The following KCNIP4 variants were observed in gnomAD, a reference collection of about 807,000 sequenced individuals.
The protein encoded by KCNIP4 is potassium voltage-gated channel interacting protein 4.
KCNIP4 carries 12 observed loss-of-function variants against 34.0 expected under a neutral mutation model. The ratio of observed to expected loss-of-function variants is 0.35; its 90% CI spans 0.23 to 0.57. The LOEUF (loss-of-function observed/expected upper bound fraction) is 0.57, where lower values mean the gene tolerates loss of function less well. Among genes scored for constraint, KCNIP4 ranks in the 20% least tolerant of loss-of-function variants. The probability of loss-of-function intolerance (pLI) is 0.83; values close to 1 mark genes in which losing one functional copy is unlikely to be tolerated. For synonymous variants in KCNIP4, 124 were observed against 102.2 expected, an observed-to-expected ratio of 1.21 and a Z score of -1.29; for missense variants, 238 against 311.7, an observed-to-expected ratio of 0.76 and a Z score of 1.78.
chr4:21,545,621 G>A (rs1047287181), intron 1 of KCNIP4, among the ~76,000 whole-genome samples: 2 of 152,164 alleles, frequency 1.3e-5, no homozygotes, highest in African/African-American at 2.4e-5. Context: ...ACTTATGAGG[G>A]AGAACACGTA....
chr4:20,936,285 G>C (rs1234427863), intron 1 of KCNIP4, among the ~76,000 whole-genome samples: 4 of 152,126 alleles, frequency 2.6e-5, no homozygotes, highest in Non-Finnish European at 5.9e-5. Flanking sequence ...CATCCTGGCA[G>C]ACCTTCAGCC....
At chr4:21,485,112 C>A (rs1731794529) in intron 1 of KCNIP4, among the ~76,000 whole-genome samples, 1 of 152,178 alleles carries the variant, frequency 6.6e-6, no homozygotes, top group African/African-American at 2.4e-5. Flanking sequence ...AGGAGGCAAT[C>A]TCAGCTCTAA....
At chr4:21,207,365 A>G (rs1043067292) in intron 1 of KCNIP4, among the ~76,000 whole-genome samples, 1 of 152,202 alleles carries the variant, frequency 6.6e-6, no homozygotes, top group African/African-American at 2.4e-5. Context: ...TCAAAATATT[A>G]GTAATATTTT....
chr4:21,195,045 C>T (rs924706982), intron 1 of KCNIP4, among the ~76,000 whole-genome samples: 8 of 152,202 alleles, frequency 5.3e-5, no homozygotes, highest in Non-Finnish European at 1.0e-4. Context: ...GGAAACTTCT[C>T]TTCCTCCTTA....
At chr4:21,229,577 G>A (rs375464385) in intron 1 of KCNIP4, among the ~76,000 whole-genome samples, 6 of 152,024 alleles carry the variant, frequency 3.9e-5, no homozygotes, top group East Asian at 1.9e-4. Flanking sequence ...GGGAGAAATC[G>A]GATAACAAAC....
chr4:21,390,930 A>G (rs981648156), intron 1 of KCNIP4, among the ~76,000 whole-genome samples: 9 of 152,158 alleles, frequency 5.9e-5, no homozygotes, highest in African/African-American at 2.2e-4. Flanking sequence ...ATTCCTGCCA[A>G]CAGTGCATGA....
rs1305037772 is a variant in KCNIP4 at position 21,059,251 on chromosome 4, AC to A, written c.62-176543del. ...GACTTTGTGGGTCTAAAAATATCCG[AC>A]TTTTTCCTCTGAGCAATTGTACTTC... On this transcript the variant is annotated intron_variant, in intron 1 of 8. Coordinates refer to ENST00000382152, the MANE Select transcript of KCNIP4 (RefSeq NM_025221.6). Among the ~76,000 whole-genome samples, 6 of 152,132 alleles carry A rather than the reference AC, an allele frequency of 3.9e-5. No individual in the cohort carries two copies. In the East Asian group the frequency reaches 9.6e-4, roughly 24 times the overall value.
intron 1 of KCNIP4, among the ~76,000 whole-genome samples, chr4:21,819,155 G>A (rs553129309): frequency 6.6e-6 from 1 of 152,284 alleles, no homozygotes; most frequent in South Asian, 2.1e-4. Flanking sequence ...TATTAGGTGA[G>A]GTTAAAACCC....
intron 3 of KCNIP4, among the ~76,000 whole-genome samples, chr4:20,793,033 T>C (rs1269016069): frequency 6.6e-6 from 1 of 152,150 alleles, no homozygotes; most frequent in Non-Finnish European, 1.5e-5. Flanking sequence ...TTAAAAAATA[T>C]ACCAACCCTG....
intron 1 of KCNIP4, among the ~76,000 whole-genome samples, chr4:21,094,194 C>G (rs1747267256): frequency 2.0e-5 from 3 of 152,158 alleles, no homozygotes; most frequent in Admixed American, 1.3e-4. Context: ...AATAACCCCT[C>G]TAGTTCAAAA....
intron 1 of KCNIP4, among the ~76,000 whole-genome samples, chr4:21,052,890 T>C (rs1743047353): frequency 6.6e-6 from 1 of 151,908 alleles, no homozygotes; most frequent in Admixed American, 6.6e-5. Flanking sequence ...AATTCAGCCA[T>C]GTGCATTTGC....
intron 4 of KCNIP4, among the ~76,000 whole-genome samples, chr4:20,753,338 A>G (rs1186909674): frequency 6.6e-6 from 1 of 152,090 alleles, no homozygotes; most frequent in Non-Finnish European, 1.5e-5. Flanking sequence ...TGACTCCTGC[A>G]TTTTATAGAG....
At chr4:21,159,099 A>G (rs1051371032) in intron 1 of KCNIP4, among the ~76,000 whole-genome samples, 1 of 152,212 alleles carries the variant, frequency 6.6e-6, no homozygotes, top group Non-Finnish European at 1.5e-5. Context: ...GTAGAAATCA[A>G]CAAGCTGATT....
chr4:21,438,960 A>G (rs989064332), intron 1 of KCNIP4, among the ~76,000 whole-genome samples: 2 of 152,130 alleles, frequency 1.3e-5, no homozygotes, highest in Non-Finnish European at 2.9e-5. Flanking sequence ...CAGGAGATCG[A>G]GACCATCCTG....
chr4:20,748,894 GTATATATA>G (rs57841958), intron 5 of KCNIP4, among the ~76,000 whole-genome samples: 53 of 145,252 alleles, frequency 3.6e-4, no homozygotes, highest in African/African-American at 1.2e-3. Flanking sequence ...GTGTGTGTGT[GTATATATA>G]TATATATATA....
chr4:21,515,995 G>A (rs1021308097), intron 1 of KCNIP4, among the ~76,000 whole-genome samples: 7 of 152,106 alleles, frequency 4.6e-5, no homozygotes, highest in Non-Finnish European at 1.0e-4. Context: ...GTTCACCAGC[G>A]TGTTATCATC....
At chr4:21,582,273 C>T (rs1182952763) in intron 1 of KCNIP4, 1 of 151,926 alleles carries the variant, frequency 6.6e-6, no homozygotes, top group African/African-American at 2.4e-5. Context: ...AACATTAATG[C>T]TCTGCTACTC....
intron 1 of KCNIP4, among the ~76,000 whole-genome samples, chr4:21,884,408 T>C (rs1330688520): frequency 1.3e-5 from 2 of 152,008 alleles, no homozygotes; most frequent in East Asian, 1.9e-4. Flanking sequence ...TTAGAAGAAA[T>C]GCCCTCCTCG....
Position 21,230,461 on chromosome 4 carries a change from C to A in KCNIP4, c.62-347752G>T, listed in dbSNP as rs1436716105. ...TCAACCCATCACCTAGGAGTTAAGT[C>A]CCGCGTGCATTAGCTATTTATCCTA... is the stretch of plus-strand genomic sequence containing the variant. On this transcript the variant is annotated intron_variant, in intron 1 of 8. Coordinates refer to ENST00000382152, the MANE Select transcript of KCNIP4 (RefSeq NM_025221.6). Among the ~76,000 whole-genome samples, 3 of 152,110 alleles carry A rather than the reference C, an allele frequency of 2.0e-5. No individual in the cohort carries two copies. In the East Asian group the frequency reaches 5.8e-4, roughly 29 times the overall value.
Sources: allele counts gnomAD v4.1 joint callset (sites outside exome capture counted in the v4.1 genomes callset), GRCh38; gene constraint gnomAD v4.1.1; transcripts MANE v1.5; gene names NCBI Gene and HGNC (gene_info 2026-07-23, HGNC 2026-07-21).